CACNA1D: variants seen among roughly 807,000 people sequenced by gnomAD.
The protein encoded by CACNA1D is calcium voltage-gated channel subunit alpha1 D.
In CACNA1D, 55 loss-of-function variants were observed where a neutral mutation model predicts 257.1. The observed-to-expected ratio is 0.21, with a 90% confidence interval of 0.17 to 0.27. The LOEUF is 0.27. Ranked by LOEUF, CACNA1D falls within the 10% of genes least tolerant of loss-of-function variation. The probability of loss-of-function intolerance (pLI) is 1.00; values close to 1 mark genes in which losing one functional copy is unlikely to be tolerated. For missense variants in CACNA1D, 1,876 were observed against 2,784.0 expected (o/e 0.67, Z 7.34); for synonymous variants, 980 against 1,014.9 (o/e 0.97, Z 0.65).
At chr3:53,517,487 C>CTT (rs529370207) in intron 3 of CACNA1D, among the ~76,000 whole-genome samples, 4 of 140,720 alleles carry the variant, frequency 2.8e-5, no homozygotes, top group South Asian at 2.3e-4. Context: ...TTCTTTCTTT[C>CTT]TTTTTTTTTT....
intron 3 of CACNA1D, among the ~76,000 whole-genome samples, chr3:53,596,762 C>T (rs1451237647): frequency 6.6e-6 from 1 of 152,210 alleles, no homozygotes; most frequent in East Asian, 1.9e-4. Context: ...AATTTTAGTT[C>T]AGCAAGACCC....
intron 3 of CACNA1D, among the ~76,000 whole-genome samples, chr3:53,599,822 G>A (rs2093419260): frequency 1.3e-5 from 2 of 152,260 alleles, no homozygotes; most frequent in African/African-American, 4.8e-5. Flanking sequence ...GTCACTGTAG[G>A]CCCAAGGAAA....
In CACNA1D at chr3:53,576,611, A is replaced by T. The variant is rs145415192; in HGVS notation, c.484-74168A>T. ...CCAGCCATCACCTCAAAAACGTAGG[A>T]GTGTGCTTTAAATATGTGTAACTCC... On this transcript the variant is annotated intron_variant, in intron 3 of 47. Coordinates refer to ENST00000350061, the MANE Select transcript of CACNA1D (RefSeq NM_001128840.3). Among the ~76,000 whole-genome samples the T allele has an allele frequency of 8.9e-4, 136 of 152,336 alleles. 1 individual carries two copies. The East Asian group carries it at 0.025, about 28-fold the overall frequency.
intron 39 of CACNA1D, chr3:53,786,535 T>C: frequency 2.5e-6 from 1 of 398,840 alleles, no homozygotes; most frequent in Non-Finnish European, 4.6e-6. Flanking sequence ...TTTCATAGTG[T>C]TACTAATATG....
chr3:53,636,595 A>G (rs190522834), intron 3 of CACNA1D, among the ~76,000 whole-genome samples: 26 of 152,372 alleles, frequency 1.7e-4, no homozygotes, highest in Admixed American at 8.5e-4. Context: ...GGCATTAGCC[A>G]CTGCGCCTGG....
Position 53,719,741 on chromosome 3 carries a change from T to G in CACNA1D, c.1479-14T>G. ...TCGGAACCAGAATCTTAACACTTTT[T>G]GTCTTTCTTTCAGTCAAGCCATCTC... On this transcript the variant is annotated splice_polypyrimidine_tract_variant and intron_variant, in intron 10 of 47. Transcript: ENST00000350061. The G allele has an allele frequency of 1.9e-6, 3 of 1,613,044 alleles. No individual in the cohort carries two copies. Among genetic ancestry groups the G allele is most frequent in the Non-Finnish European group, 2.5e-6 (3 of 1,178,968 alleles).
intron 3 of CACNA1D, among the ~76,000 whole-genome samples, chr3:53,640,045 A>G (rs997240452): frequency 6.6e-6 from 1 of 151,800 alleles, no homozygotes; most frequent in Non-Finnish European, 1.5e-5. Flanking sequence ...TATTTTTAGT[A>G]GAGATAGGTT....
chr3:53,703,446 G>C (rs1036918393), intron 9 of CACNA1D, among the ~76,000 whole-genome samples: 2 of 152,204 alleles, frequency 1.3e-5, no homozygotes, highest in Non-Finnish European at 2.9e-5. Context: ...TGAGAACTCA[G>C]TCCATCACTG....
chr3:53,785,117 T>A (rs2095445957), intron 39 of CACNA1D, among the ~76,000 whole-genome samples: 1 of 152,146 alleles, frequency 6.6e-6, no homozygotes, highest in Admixed American at 6.5e-5. Flanking sequence ...AGAGCTGATA[T>A]TCCAAACATA....
Position 53,751,698 on chromosome 3 carries a change from C to T in CACNA1D, c.3517-51C>T. ...CAGAGCAGATGACCACGGGGTCCTC[C>T]TTCCCTGCAAGTGCTCAGAACCCCG... On this transcript the variant is annotated intron_variant, in intron 27 of 47. Transcript: ENST00000350061. This position sits in a 1 kb window ranked among gnomAD's most constrained non-coding sequence, Gnocchi z 4.3. 3 of 1,602,794 alleles carry T rather than the reference C, an allele frequency of 1.9e-6. No homozygotes were observed. The highest frequency in any genetic ancestry group is 2.6e-6 in the Non-Finnish European group (3 of 1,169,960).
In CACNA1D at chr3:53,798,328, C is replaced by T. The variant is rs3774606; in HGVS notation, c.4924-1921C>T. Among the ~76,000 whole-genome samples the T allele has an allele frequency of 4.2e-3, 493 of 118,278 alleles. 3 individuals carry two copies. Among genetic ancestry groups the T allele is most frequent in the Middle Eastern group, 9.4e-3 (2 of 212 alleles). The allele number at this position is 118,278 out of a possible 152,430, so 77.6% of individuals were successfully genotyped here. A position where few individuals can be genotyped will look rare whatever the true frequency, so the allele number is the denominator to read the frequency against. On this transcript the variant is annotated intron_variant, in intron 40 of 47. Coordinates refer to ENST00000350061, the MANE Select transcript of CACNA1D (RefSeq NM_001128840.3). ...GTGTGCGTGTGTGTGTGTGTGTGTG[C>T]GTGTGTGTGCGTGTGTGTGTGCACG...
chr3:53,536,310 A>C (rs779071785), intron 3 of CACNA1D, among the ~76,000 whole-genome samples: 4 of 152,132 alleles, frequency 2.6e-5, no homozygotes, highest in Non-Finnish European at 4.4e-5. Context: ...TCGAAGCTGC[A>C]CTTGGCATGG....
chr3:53,549,274 A>C (rs901610292), intron 3 of CACNA1D, among the ~76,000 whole-genome samples: 1 of 152,194 alleles, frequency 6.6e-6, no homozygotes, highest in Non-Finnish European at 1.5e-5. Flanking sequence ...ATTGCTTCAA[A>C]CTTGAATGTG....
At chr3:53,526,591 T>C (rs1323877992) in intron 3 of CACNA1D, among the ~76,000 whole-genome samples, 2 of 152,196 alleles carry the variant, frequency 1.3e-5, no homozygotes, top group African/African-American at 4.8e-5. Context: ...AAACACATAG[T>C]GAATAAGGAC....
Position 53,745,609 on chromosome 3 carries a change from C to T in CACNA1D, c.3007-15C>T. ...AATCACAAAGAAGAGTCACGCCCCT[C>T]TGCCCTCTCCGCAGCACGTGGTCCA... On this transcript the variant is annotated splice_polypyrimidine_tract_variant and intron_variant, in intron 23 of 47. Transcript: ENST00000350061. The T allele has an allele frequency of 6.3e-7, 1 of 1,576,738 alleles. No individual in the cohort carries two copies. The highest frequency in any genetic ancestry group is 8.7e-7 in the Non-Finnish European group (1 of 1,145,942).
chr3:53,651,077 T>C, intron 4 of CACNA1D, 159 bp downstream of exon 4: 1 of 667,626 alleles, frequency 1.5e-6, no homozygotes, highest in Non-Finnish European at 2.6e-6. Flanking sequence ...AGGCTGGTGA[T>C]GCTGCTGTCA....
intron 9 of CACNA1D, among the ~76,000 whole-genome samples, chr3:53,705,387 G>A (rs983741997): frequency 9.9e-5 from 15 of 152,170 alleles, no homozygotes; most frequent in African/African-American, 3.4e-4. Flanking sequence ...AACAAAACCT[G>A]TTTAAAAGCC....
At position 53,650,935 on chromosome 3, in the gene CACNA1D, T is replaced by C. The variant is rs752051418; in HGVS notation, c.623+17T>C. 5 of 1,609,352 alleles carry C rather than the reference T, an allele frequency of 3.1e-6. No individual in the cohort carries two copies. The highest frequency in any genetic ancestry group is 1.1e-5 in the South Asian group (1 of 90,898). ...AATAGTAGGGTAAGTCTCTTTTACT[T>C]TGGGGAAATGTTGATTTGGAAAATG... On this transcript the variant is annotated intron_variant, in intron 4 of 47. Coordinates refer to ENST00000350061, the MANE Select transcript of CACNA1D (RefSeq NM_001128840.3).
At chr3:53,528,534 C>G (rs1043211756) in intron 3 of CACNA1D, among the ~76,000 whole-genome samples, 1 of 152,150 alleles carries the variant, frequency 6.6e-6, no homozygotes, top group African/African-American at 2.4e-5. Context: ...GCATTTCTAT[C>G]TAAATTTTAG....
Sources: allele counts gnomAD v4.1 joint callset (sites outside exome capture counted in the v4.1 genomes callset), GRCh38; gene constraint gnomAD v4.1.1; non-coding constraint Gnocchi (gnomAD v3.1); transcripts MANE v1.5; gene names NCBI Gene and HGNC (gene_info 2026-07-23, HGNC 2026-07-21).